Variants in NDFIP2 observed in about 807,000 individuals in gnomAD.
The protein encoded by NDFIP2 is Nedd4 family interacting protein 2.
Under a neutral mutation model 36.0 loss-of-function variants are expected in NDFIP2, and 19 were observed. That is an observed-to-expected ratio of 0.53 (90% CI 0.37 to 0.77). The LOEUF (loss-of-function observed/expected upper bound fraction) is 0.77. NDFIP2 is among the 30% of genes least tolerant of loss of function. The pLI is 0.00. For synonymous variants in NDFIP2, 181 were observed against 167.7 expected, an observed-to-expected ratio of 1.08 and a Z score of -0.61; for missense variants, 446 against 435.8, an observed-to-expected ratio of 1.02 and a Z score of -0.21.
At chr13:79,548,173 T>C (rs1326025745) in intron 5 of NDFIP2, among the ~76,000 whole-genome samples, 155 bp from the exon 6 acceptor site, 2 of 152,134 alleles carry the variant, frequency 1.3e-5, no homozygotes, top group Admixed American at 1.3e-4. Context: ...TATATGTGTA[T>C]GCTGTGTATG....
At chr13:79,500,547 CA>C (rs1259071604) in intron 1 of NDFIP2, among the ~76,000 whole-genome samples, 2 of 151,974 alleles carry the variant, frequency 1.3e-5, no homozygotes, top group African/African-American at 4.8e-5. Context: ...CGAAGATATA[CA>C]GATGGCAAGT....
At chr13:79,536,243 T>A (rs1407293998) in intron 3 of NDFIP2, among the ~76,000 whole-genome samples, 1 of 152,242 alleles carries the variant, frequency 6.6e-6, no homozygotes, top group African/African-American at 2.4e-5. Context: ...CATCTTATAA[T>A]GGGTAGGGCT....
At chr13:79,518,802 TTTTC>T (rs1874450740) in intron 1 of NDFIP2, among the ~76,000 whole-genome samples, 1 of 152,036 alleles carries the variant, frequency 6.6e-6, no homozygotes, top group African/African-American at 2.4e-5. Context: ...GATCTTTCTT[TTTTC>T]TTTCTTTCTT....
intron 1 of NDFIP2, among the ~76,000 whole-genome samples, chr13:79,483,437 G>GTCTATT (rs2079826953): frequency 6.6e-6 from 1 of 152,076 alleles, no homozygotes; most frequent in Non-Finnish European, 1.5e-5. Flanking sequence ...TTTTAAACTA[G>GTCTATT]GGATCAGTCT....
chr13:79,534,893 C>T (rs1875172020), intron 3 of NDFIP2, among the ~76,000 whole-genome samples: 1 of 152,204 alleles, frequency 6.6e-6, no homozygotes, highest in Admixed American at 6.5e-5. Flanking sequence ...TACCCTCTTC[C>T]AGCACACACA....
chr13:79,521,765 G>A (rs147133832), intron 2 of NDFIP2, among the ~76,000 whole-genome samples: 114 of 150,998 alleles, frequency 7.5e-4, no homozygotes, highest in African/African-American at 2.5e-3. Context: ...ATTTTTTCAT[G>A]GTGTCCTCAC....
chr13:79,538,207 A>G (rs954996238), intron 3 of NDFIP2, among the ~76,000 whole-genome samples: 4 of 152,214 alleles, frequency 2.6e-5, no homozygotes, highest in East Asian at 1.9e-4. Flanking sequence ...CCAATCTCCA[A>G]CAGTTGAGGA....
intron 1 of NDFIP2, among the ~76,000 whole-genome samples, chr13:79,502,694 G>A (rs1328715789): frequency 6.6e-6 from 1 of 152,038 alleles, no homozygotes; most frequent in Non-Finnish European, 1.5e-5. Context: ...ATAATTAGAA[G>A]GTCATTGTTT....
chr13:79,493,184 T>C (rs1448825415), intron 1 of NDFIP2, among the ~76,000 whole-genome samples: 3 of 152,198 alleles, frequency 2.0e-5, no homozygotes, highest in African/African-American at 7.2e-5. Flanking sequence ...GCAAAATAAA[T>C]ACTTATTAAA....
intron 1 of NDFIP2, among the ~76,000 whole-genome samples, chr13:79,495,050 G>A (rs1442693775): frequency 6.6e-6 from 1 of 151,528 alleles, no homozygotes; most frequent in East Asian, 1.9e-4. Context: ...ACTTTTTTGT[G>A]TGTCTAATTT....
At chr13:79,521,005 G>GTT (rs762057502) in intron 2 of NDFIP2, 30 bp downstream of exon 2, 2 of 1,478,458 alleles carry the variant, frequency 1.4e-6, no homozygotes, top group Non-Finnish European at 9.0e-7. Flanking sequence ...GTTTTTATTA[G>GTT]TTCTTTTTTT....
In NDFIP2 at chr13:79,552,943, C is replaced by T. The variant is rs1268422817; in HGVS notation, c.*430C>T. The T allele has an allele frequency of 6.6e-6, 1 of 151,550 alleles. No homozygotes were observed. The highest frequency in any genetic ancestry group is 1.5e-5 in the Non-Finnish European group (1 of 67,378). The allele number at this position is 151,550 out of a possible 1,614,324, so 9.4% of individuals were successfully genotyped here. ...CCATGTCAAATGATTTAGTTTCTGGCTCTTAGACTCATCTGGCAGTTCTAC... is the reference window on the plus strand; with the variant it reads ...CCATGTCAAATGATTTAGTTTCTGGTTCTTAGACTCATCTGGCAGTTCTAC... On this transcript the variant is annotated 3_prime_UTR_variant, in exon 8 of 8. Coordinates refer to ENST00000218652, the MANE Select transcript of NDFIP2 (RefSeq NM_019080.3).
chr13:79,535,988 A>G (rs1875222650), intron 3 of NDFIP2, among the ~76,000 whole-genome samples: 1 of 152,168 alleles, frequency 6.6e-6, no homozygotes, highest in African/African-American at 2.4e-5. Flanking sequence ...CAGCTGGGTG[A>G]GTTGAAAGCT....
intron 3 of NDFIP2, among the ~76,000 whole-genome samples, chr13:79,537,878 A>G (rs1172542349): frequency 2.0e-5 from 3 of 152,226 alleles, no homozygotes; most frequent in African/African-American, 7.2e-5. Context: ...ATAAAGAAAT[A>G]CCCAAGACTG....
At chr13:79,531,817 A>C (rs1190029111) in intron 2 of NDFIP2, among the ~76,000 whole-genome samples, 1 of 152,228 alleles carries the variant, frequency 6.6e-6, no homozygotes, top group Non-Finnish European at 1.5e-5. Flanking sequence ...TATCAGCAAT[A>C]AAGTAGTTTC....
At chr13:79,509,033 C>CT (rs1873975056) in intron 1 of NDFIP2, among the ~76,000 whole-genome samples, 2 of 151,296 alleles carry the variant, frequency 1.3e-5, no homozygotes, top group African/African-American at 4.9e-5. Flanking sequence ...CTAGAGTTAG[C>CT]ATTTTTTTTT....
At chr13:79,511,299 G>C (rs940595401) in intron 1 of NDFIP2, among the ~76,000 whole-genome samples, 2 of 152,092 alleles carry the variant, frequency 1.3e-5, no homozygotes, top group Non-Finnish European at 2.9e-5. Flanking sequence ...ACAGTATTTT[G>C]ATTTCCTTAG....
At chr13:79,505,541 G>A (rs370024778) in intron 1 of NDFIP2, among the ~76,000 whole-genome samples, 2 of 151,536 alleles carry the variant, frequency 1.3e-5, no homozygotes, top group African/African-American at 4.9e-5. Flanking sequence ...GAGGCGGGAG[G>A]ATTGCTTGAG....
chr13:79,548,489 T>A (rs753556400), intron 6 of NDFIP2, 95 bp downstream of exon 6: 7 of 997,390 alleles, frequency 7.0e-6, no homozygotes, highest in Non-Finnish European at 1.1e-5. Context: ...GGAAATTATT[T>A]TTCTTCTGTA....
Sources: allele counts gnomAD v4.1 joint callset (sites outside exome capture counted in the v4.1 genomes callset), GRCh38; gene constraint gnomAD v4.1.1; transcripts MANE v1.5; gene names NCBI Gene and HGNC (gene_info 2026-07-23, HGNC 2026-07-21).